The following CDH18 variants were observed in gnomAD, a reference collection of about 807,000 sequenced individuals.
CDH18 encodes cadherin 18.
In CDH18, 31 loss-of-function variants were observed where a neutral mutation model predicts 67.9. The observed-to-expected ratio is 0.46, with a 90% confidence interval of 0.34 to 0.62. CDH18 has a LOEUF of 0.62. CDH18 is among the 20% of genes least tolerant of loss of function. The probability of loss-of-function intolerance (pLI) is 0.01; values close to 1 mark genes in which losing one functional copy is unlikely to be tolerated. For missense variants in CDH18, 890 were observed against 975.5 expected, an observed-to-expected ratio of 0.91 and a Z score of 1.17; for synonymous variants, 362 against 347.2, an observed-to-expected ratio of 1.04 and a Z score of -0.48.
At chr5:20,315,873 C>G (rs904479637) in intron 1 of CDH18, among the ~76,000 whole-genome samples, 4 of 152,072 alleles carry the variant, frequency 2.6e-5, no homozygotes, top group Non-Finnish European at 5.9e-5. Flanking sequence ...CTGTTTGTCT[C>G]TCTGACTCCG....
At chr5:19,772,849 T>A (rs1773877918) in intron 3 of CDH18, among the ~76,000 whole-genome samples, 4 of 152,214 alleles carry the variant, frequency 2.6e-5, no homozygotes, top group Admixed American at 2.0e-4. Context: ...GCATAATGAC[T>A]GATAAGTCTA....
At chr5:19,874,948 C>G (rs1388726984) in intron 2 of CDH18, among the ~76,000 whole-genome samples, 1 of 152,094 alleles carries the variant, frequency 6.6e-6, no homozygotes, top group Non-Finnish European at 1.5e-5. Context: ...AGCACTAGAC[C>G]AGCCATAGTC....
chr5:20,467,917 A>C (rs1198469886), intron 1 of CDH18, among the ~76,000 whole-genome samples: 1 of 151,510 alleles, frequency 6.6e-6, no homozygotes, highest in Non-Finnish European at 1.5e-5. Context: ...AATTTCAAAT[A>C]TTTTATTTAT....
chr5:20,535,959 G>A (rs948929177), intron 1 of CDH18, among the ~76,000 whole-genome samples: 13 of 152,230 alleles, frequency 8.5e-5, no homozygotes, highest in Non-Finnish European at 1.9e-4. Context: ...CACTGCATCC[G>A]AGGAAATATC....
In CDH18 at chr5:20,218,298, T is replaced by C. The variant is rs923040999; in HGVS notation, c.-518+37146A>G. Among the ~76,000 whole-genome samples the C allele has an allele frequency of 5.9e-5, 9 of 151,892 alleles. No homozygotes were observed. The South Asian group carries it at 6.2e-4, about 10-fold the overall frequency. ...AAAAAGTTTTAAAAAATAAAAAATATTGAAATAATTTCAACTATCTTCTTT... is the reference window on the plus strand; with the variant it reads ...AAAAAGTTTTAAAAAATAAAAAATACTGAAATAATTTCAACTATCTTCTTT... On this transcript the variant is annotated intron_variant, in intron 2 of 14. Transcript: ENST00000507958.
intron 2 of CDH18, among the ~76,000 whole-genome samples, chr5:20,178,821 C>T (rs1388434513): frequency 6.6e-6 from 1 of 152,070 alleles, no homozygotes; most frequent in African/African-American, 2.4e-5. Context: ...CATGGAGGCA[C>T]TGCAGAGAAA....
chr5:19,720,511 C>G (rs773983536), intron 5 of CDH18, among the ~76,000 whole-genome samples: 1 of 152,056 alleles, frequency 6.6e-6, no homozygotes, highest in Non-Finnish European at 1.5e-5. Context: ...TTTTACTTAA[C>G]CAAATTTTTA....
intron 1 of CDH18, among the ~76,000 whole-genome samples, chr5:20,495,597 C>T (rs1000634230): frequency 3.9e-5 from 6 of 152,016 alleles, no homozygotes; most frequent in Non-Finnish European, 5.9e-5. Context: ...ATGGCATCTA[C>T]CTACAGAAAC....
At chr5:20,117,023 G>A (rs1747974309) in intron 2 of CDH18, among the ~76,000 whole-genome samples, 1 of 141,218 alleles carries the variant, frequency 7.1e-6, no homozygotes. Flanking sequence ...GTGTGTGTGT[G>A]TGTGTGAGTG....
intron 9 of CDH18, among the ~76,000 whole-genome samples, chr5:19,530,373 A>T (rs1442119511): frequency 1.3e-5 from 2 of 152,162 alleles, no homozygotes; most frequent in Non-Finnish European, 2.9e-5. Context: ...GCAAAGAATT[A>T]TTCGAAAAAA....
intron 1 of CDH18, among the ~76,000 whole-genome samples, chr5:20,265,248 G>A (rs543709426): frequency 1.3e-5 from 2 of 151,220 alleles, no homozygotes; most frequent in Non-Finnish European, 2.9e-5. Flanking sequence ...TTTTTTCCTG[G>A]TTATTATAAA....
At chr5:19,829,711 A>G (rs1215882928) in intron 3 of CDH18, among the ~76,000 whole-genome samples, 1 of 152,222 alleles carries the variant, frequency 6.6e-6, no homozygotes, top group Non-Finnish European at 1.5e-5. Flanking sequence ...TGCAAAAACT[A>G]TCTGAAAATT....
At chr5:20,189,970 G>A (rs1160484861) in intron 2 of CDH18, among the ~76,000 whole-genome samples, 2 of 152,080 alleles carry the variant, frequency 1.3e-5, no homozygotes, top group East Asian at 3.9e-4. Context: ...CCATGGACAA[G>A]GATTGAGATG....
At chr5:19,766,076 A>G (rs1282353493) in intron 3 of CDH18, among the ~76,000 whole-genome samples, 1 of 151,978 alleles carries the variant, frequency 6.6e-6, no homozygotes, top group African/African-American at 2.4e-5. Context: ...ACAGGGTTTC[A>G]CCATGTTGGT....
intron 2 of CDH18, among the ~76,000 whole-genome samples, chr5:20,182,175 T>C (rs1737734711): frequency 6.6e-6 from 1 of 152,140 alleles, no homozygotes. Flanking sequence ...GAGAACATTA[T>C]TGATTTTTAT....
intron 3 of CDH18, among the ~76,000 whole-genome samples, chr5:19,798,383 A>C (rs1211443770): frequency 6.6e-6 from 1 of 152,026 alleles, no homozygotes; most frequent in African/African-American, 2.4e-5. Context: ...CAATTATCTC[A>C]ATAAAAATCT....
At chr5:20,207,040 C>A (rs114325925) in intron 2 of CDH18, among the ~76,000 whole-genome samples, 1,687 of 151,466 alleles carry the variant, frequency 0.011, 32 homozygotes, top group African/African-American at 0.038. Flanking sequence ...ATCTATTGAA[C>A]ATAAATAAGT....
rs1255636669 is a variant in CDH18 at position 20,044,541 on chromosome 5, AAGC to A, written c.-517-52530_-517-52528del. On this transcript the variant is annotated intron_variant, in intron 2 of 14. Transcript: ENST00000507958. Reference sequence around the variant, plus strand: ...TAACCTACAAAAAATTAAAGCATTTAAGCATTGCATTCCACTTGTTAACCCTTT... The same window carrying A: ...TAACCTACAAAAAATTAAAGCATTTAATTGCATTCCACTTGTTAACCCTTT... 2.6e-5 allele frequency among the ~76,000 whole-genome samples: 4 copies of A among 152,278 alleles called. No individual in the cohort carries two copies. In the East Asian group the frequency reaches 7.7e-4, roughly 29 times the overall value.
At chr5:20,113,180 AGTCATG>A (rs1163021627) in intron 2 of CDH18, among the ~76,000 whole-genome samples, 7 of 152,186 alleles carry the variant, frequency 4.6e-5, no homozygotes, top group African/African-American at 1.4e-4. Context: ...GGAAATACTG[AGTCATG>A]ATTCACCATA....
Sources: gnomAD v4.1 joint callset for allele counts (sites outside exome capture counted in the v4.1 genomes callset) on GRCh38, gnomAD v4.1.1 for gene constraint, MANE v1.5 for transcripts, NCBI Gene and HGNC (gene_info 2026-07-23, HGNC 2026-07-21) for gene names.